Variants in PCSK2 observed in about 807,000 individuals in gnomAD.
The protein encoded by PCSK2 is proprotein convertase subtilisin/kexin type 2.
PCSK2 carries 14 observed loss-of-function variants against 69.7 expected under a neutral mutation model. The observed-to-expected ratio is 0.20, with a 90% CI of 0.13 to 0.31. The LOEUF is 0.31. PCSK2 is among the 10% of genes least tolerant of loss of function. The probability of loss-of-function intolerance (pLI) is 1.00; values close to 1 mark genes in which losing one functional copy is unlikely to be tolerated. For synonymous variants in PCSK2, 307 were observed against 320.7 expected, an observed-to-expected ratio of 0.96 and a Z score of 0.46; for missense variants, 544 against 842.5, an observed-to-expected ratio of 0.65 and a Z score of 4.39.
chr20:17,444,301 G>A (rs1403517017), intron 8 of PCSK2, among the ~76,000 whole-genome samples: 4 of 152,054 alleles, frequency 2.6e-5, no homozygotes, highest in Admixed American at 6.6e-5. Flanking sequence ...GACTTTTATC[G>A]GGGCATGCAC....
intron 11 of PCSK2, among the ~76,000 whole-genome samples, chr20:17,473,139 G>C (rs2033234350): frequency 8.0e-6 from 1 of 125,296 alleles, no homozygotes; most frequent in South Asian, 2.7e-4. Flanking sequence ...TGTCACCCAG[G>C]CTGGAGTGCA....
intron 9 of PCSK2, among the ~76,000 whole-genome samples, chr20:17,456,012 G>A (rs971329410): frequency 6.6e-6 from 1 of 152,214 alleles, no homozygotes; most frequent in Non-Finnish European, 1.5e-5. Flanking sequence ...GGCTGAGGCA[G>A]GTGGATCACC....
chr20:17,390,067 A>G (rs1226808053), intron 5 of PCSK2, among the ~76,000 whole-genome samples: 2 of 152,262 alleles, frequency 1.3e-5, no homozygotes, highest in Non-Finnish European at 2.9e-5. Context: ...ATACTATCCC[A>G]CAACAAAACA....
chr20:17,378,078 AC>A (rs1165884860), intron 5 of PCSK2, among the ~76,000 whole-genome samples: 9 of 152,206 alleles, frequency 5.9e-5, no homozygotes, highest in Non-Finnish European at 1.3e-4. Context: ...CCAGTCCCTG[AC>A]CTTGGGGGGT....
chr20:17,401,057 T>C (rs958650972), intron 5 of PCSK2, among the ~76,000 whole-genome samples: 5 of 152,162 alleles, frequency 3.3e-5, no homozygotes, highest in African/African-American at 1.2e-4. Context: ...AACAGTCCAT[T>C]CATGTTTATT....
chr20:17,231,812 C>G (rs1470410734), intron 1 of PCSK2, among the ~76,000 whole-genome samples: 1 of 152,186 alleles, frequency 6.6e-6, no homozygotes, highest in East Asian at 1.9e-4. Flanking sequence ...CTCTTCTGAG[C>G]ATTTTCACGG....
intron 1 of PCSK2, among the ~76,000 whole-genome samples, chr20:17,238,594 A>T (rs373202588): frequency 1.3e-5 from 2 of 152,134 alleles, no homozygotes; most frequent in African/African-American, 4.8e-5. Context: ...TATTGATATC[A>T]CTGAACCAGC....
At position 17,481,859 on chromosome 20, in the gene PCSK2, C is replaced by G. The variant is rs200384798; in HGVS notation, c.1706C>G (p.Thr569Ser). 1.9e-6 allele frequency: 3 copies of G among 1,613,968 alleles called. No homozygotes were observed. In the Middle Eastern group the frequency reaches 4.9e-4, roughly 266 times the overall value. ...TWGEDARGTWTLELGFVGSAP... is the reference protein window; with the variant it reads ...TWGEDARGTWSLELGFVGSAP... ...GGGGAAGACGCCCGAGGCACCTGGA[C>G]CCTGGAGCTGGGATTTGTCGGCAGC... The change falls in exon 12 of 12, where the codon ACC becomes AGC. Residue 569 changes from threonine to serine, a missense_variant. This residue lies in a region of PCSK2 where 200 missense variants were observed against 287.8 expected (regional missense o/e 0.69). Coordinates refer to ENST00000262545, the MANE Select transcript of PCSK2 (RefSeq NM_002594.5).
intron 2 of PCSK2, among the ~76,000 whole-genome samples, chr20:17,260,826 G>A (rs142797916): frequency 3.7e-4 from 57 of 152,308 alleles, no homozygotes; most frequent in Non-Finnish European, 6.9e-4. Context: ...ATCCATGCAT[G>A]ACTGTGGCCA....
At chr20:17,348,469 T>C (rs2029880860) in intron 2 of PCSK2, among the ~76,000 whole-genome samples, 1 of 152,228 alleles carries the variant, frequency 6.6e-6, no homozygotes, top group Non-Finnish European at 1.5e-5. Flanking sequence ...ACCATCACTT[T>C]TGATCCTCAC....
intron 8 of PCSK2, among the ~76,000 whole-genome samples, chr20:17,440,283 A>G (rs2032569495): frequency 6.6e-6 from 1 of 152,230 alleles, no homozygotes; most frequent in Non-Finnish European, 1.5e-5. Context: ...GCATTTTAAC[A>G]AGATCCCATT....
intron 11 of PCSK2, among the ~76,000 whole-genome samples, chr20:17,472,491 C>T (rs2033218944): frequency 6.6e-6 from 1 of 152,242 alleles, no homozygotes; most frequent in African/African-American, 2.4e-5. Flanking sequence ...CAAAAGCAGG[C>T]ATCTTGGGCA....
rs112473182 is a variant in PCSK2, at chr20:17,482,179, C to T, written c.*109C>T. 2,004 of 991,230 alleles carry T rather than the reference C, an allele frequency of 2.0e-3. 34 individuals are homozygous for T. The African/African-American group carries it at 0.029, about 14-fold the overall frequency. 61.4% of individuals were successfully genotyped at this position (991,230 alleles called of 1,614,324 possible). ...ATTCCATCACCCGTACAGGCAATTC[C>T]GTCTTCTTAATCTGAAGCTTCACTC... On this transcript the variant is annotated 3_prime_UTR_variant, in exon 12 of 12. Transcript: ENST00000262545.
chr20:17,245,841 G>T (rs188817500), intron 1 of PCSK2, among the ~76,000 whole-genome samples: 2 of 152,228 alleles, frequency 1.3e-5, no homozygotes, highest in East Asian at 3.9e-4. Context: ...TGTTTGACTT[G>T]TGGAGGAGCA....
chr20:17,352,944 C>A (rs1161370807), intron 2 of PCSK2, among the ~76,000 whole-genome samples: 1 of 151,990 alleles, frequency 6.6e-6, no homozygotes, highest in African/African-American at 2.4e-5. Context: ...AACTATGCAT[C>A]TGACAAAAAT....
intron 10 of PCSK2, 96 bp from the exon 11 acceptor site, chr20:17,465,230 T>C: frequency 1.2e-6 from 1 of 852,476 alleles, no homozygotes; most frequent in South Asian, 1.4e-5. Flanking sequence ...AAGAGGTCTG[T>C]GTCCTGAGTA....
At chr20:17,396,873 G>T (rs977259103) in intron 5 of PCSK2, among the ~76,000 whole-genome samples, 1 of 152,172 alleles carries the variant, frequency 6.6e-6, no homozygotes, top group African/African-American at 2.4e-5. Flanking sequence ...GGCATAGAGA[G>T]ACCTCAGCAG....
At chr20:17,344,386 T>C (rs936992022) in intron 2 of PCSK2, among the ~76,000 whole-genome samples, 3 of 152,216 alleles carry the variant, frequency 2.0e-5, no homozygotes, top group Admixed American at 6.5e-5. Context: ...ACCCTGGAAC[T>C]GTTCCATTGG....
intron 2 of PCSK2, among the ~76,000 whole-genome samples, chr20:17,336,229 G>T (rs531525261): frequency 2.0e-5 from 3 of 152,190 alleles, no homozygotes; most frequent in Non-Finnish European, 4.4e-5. Context: ...CAGGGAAACA[G>T]GTTGCTGCCT....
Sources: allele counts gnomAD v4.1 joint callset (sites outside exome capture counted in the v4.1 genomes callset), GRCh38; gene constraint gnomAD v4.1.1; regional missense constraint gnomAD v4.1.1; transcripts MANE v1.5; gene names NCBI Gene and HGNC (gene_info 2026-07-23, HGNC 2026-07-21).